Variants in COA1 observed in about 807,000 individuals in gnomAD.
COA1 encodes the protein cytochrome c oxidase assembly factor 1 homolog.
A neutral mutation model predicts 16.0 loss-of-function variants in COA1; 13 were observed. The observed-to-expected ratio is 0.81, with a 90% CI of 0.53 to 1.29. COA1 has a LOEUF of 1.29. Ranked by LOEUF, COA1 falls within the 50% of genes most tolerant of loss-of-function variation. COA1 has a pLI of 0.00. For synonymous variants in COA1, 65 were observed against 65.7 expected, an observed-to-expected ratio of 0.99 and a Z score of 0.05; for missense variants, 179 against 177.0, an observed-to-expected ratio of 1.01 and a Z score of -0.06.
At chr7:43,694,258 T>TAA (rs147164915) in intron 1 of COA1, among the ~76,000 whole-genome samples, 36 of 139,244 alleles carry the variant, frequency 2.6e-4, no homozygotes, top group Middle Eastern at 3.6e-3. Flanking sequence ...CTCCCATCTT[T>TAA]AAAAAAAAAA....
chr7:43,658,915 G>A (rs1228791633), intron 1 of COA1: 1 of 152,580 alleles, frequency 6.6e-6, no homozygotes, highest in Non-Finnish European at 1.5e-5. Flanking sequence ...GAGGAGGCCA[G>A]GCAAGAGGGC....
chr7:43,658,142 C>T (rs1365772289), intron 1 of COA1, among the ~76,000 whole-genome samples: 4 of 151,806 alleles, frequency 2.6e-5, no homozygotes, highest in African/African-American at 7.3e-5. Context: ...TTTGGGAGGC[C>T]GAGGCGGGTG....
intron 5 of COA1, 23 bp from the exon 6 acceptor site, chr7:43,639,704 TATCTCTA>T (rs762202937): frequency 4.8e-5 from 76 of 1,583,446 alleles, no homozygotes; most frequent in Non-Finnish European, 1.5e-5. Flanking sequence ...AAAAGTATAG[TATCTCTA>T]ATCTATGAAG....
chr7:43,673,631 T>TC (rs990819202), intron 1 of COA1, among the ~76,000 whole-genome samples: 5 of 152,168 alleles, frequency 3.3e-5, no homozygotes, highest in African/African-American at 9.7e-5. Context: ...GACCCAGCAA[T>TC]CTCATTATTG....
chr7:43,715,132 G>A (rs920740577), intron 1 of COA1, among the ~76,000 whole-genome samples: 2 of 151,402 alleles, frequency 1.3e-5, no homozygotes, highest in Non-Finnish European at 2.9e-5. Context: ...ATGAAAGCTT[G>A]AAACACACCA....
At chr7:43,696,699 A>G in intron 1 of COA1, among the ~76,000 whole-genome samples, 1 of 152,042 alleles carries the variant, frequency 6.6e-6, no homozygotes, top group Non-Finnish European at 1.5e-5. Flanking sequence ...ATATATACAT[A>G]TGTGTGTGTA....
intron 6 of COA1, chr7:43,624,865 C>A: frequency 2.6e-6 from 4 of 1,554,618 alleles, no homozygotes; most frequent in South Asian, 2.5e-5. Context: ...TTTAGAACTT[C>A]AAGATTTCTA....
At chr7:43,667,932 C>G (rs1468997674) in intron 1 of COA1, among the ~76,000 whole-genome samples, 1 of 152,164 alleles carries the variant, frequency 6.6e-6, no homozygotes, top group African/African-American at 2.4e-5. Context: ...TTTTTCTCTG[C>G]CTGGTTCCTC....
At chr7:43,636,602 ATTG>A (rs1289947238), downstream of COA1, among the ~76,000 whole-genome samples, 1 of 152,162 alleles carries the variant, frequency 6.6e-6, no homozygotes, top group Admixed American at 6.5e-5. Context: ...AGAAGGAACT[ATTG>A]TTAAGTTCTG....
At chr7:43,699,482 G>A (rs2094636124) in intron 1 of COA1, among the ~76,000 whole-genome samples, 1 of 152,076 alleles carries the variant, frequency 6.6e-6, no homozygotes, top group Non-Finnish European at 1.5e-5. Flanking sequence ...GTACTAATTA[G>A]CAAAGGTATG....
At chr7:43,694,309 C>A (rs1273949017) in intron 1 of COA1, among the ~76,000 whole-genome samples, 1 of 151,292 alleles carries the variant, frequency 6.6e-6, no homozygotes, top group Non-Finnish European at 1.5e-5. Context: ...AGCAATGGTC[C>A]CATTTCTCTA....
intron 1 of COA1, among the ~76,000 whole-genome samples, chr7:43,668,291 G>A (rs1563315497): frequency 6.6e-6 from 1 of 152,150 alleles, no homozygotes; most frequent in Non-Finnish European, 1.5e-5. Flanking sequence ...GGTATTTGAG[G>A]ATACAAACCC....
chr7:43,718,747 G>A (rs562506134), intron 1 of COA1, among the ~76,000 whole-genome samples: 4 of 152,258 alleles, frequency 2.6e-5, no homozygotes, highest in South Asian at 4.1e-4. Flanking sequence ...TGAGCTTTAT[G>A]AGGATTTAGA....
intron 1 of COA1, among the ~76,000 whole-genome samples, chr7:43,710,796 G>T (rs1245387247): frequency 6.6e-6 from 1 of 152,116 alleles, no homozygotes; most frequent in Non-Finnish European, 1.5e-5. Flanking sequence ...CAGGTGCTAA[G>T]CCCTTTCCAA....
chr7:43,690,714 T>C (rs1443419610), intron 1 of COA1, among the ~76,000 whole-genome samples: 1 of 151,890 alleles, frequency 6.6e-6, no homozygotes, highest in Non-Finnish European at 1.5e-5. Context: ...ATAATGTAAA[T>C]TGTCTAAACA....
intron 1 of COA1, among the ~76,000 whole-genome samples, chr7:43,709,434 T>TTGTG (rs59823123): frequency 0.074 from 10,762 of 144,888 alleles, 430 homozygotes; most frequent in Admixed American, 0.11. Flanking sequence ...CTTTGTTTTA[T>TTGTG]TGTGTGTGTG....
At chr7:43,626,792 G>A (rs1563177291) in intron 6 of COA1, 1 of 152,126 alleles carries the variant, frequency 6.6e-6, no homozygotes, top group Admixed American at 6.5e-5. Flanking sequence ...TATAATTGCT[G>A]TATTTGTGAG....
chr7:43,684,480 A>G (rs2093922330), intron 1 of COA1, among the ~76,000 whole-genome samples: 1 of 152,196 alleles, frequency 6.6e-6, no homozygotes, highest in Non-Finnish European at 1.5e-5. Context: ...CCAGAAAACA[A>G]GGTGAAGGCT....
chr7:43,644,529 C>CT lies in COA1; in HGVS notation c.264+721dup, dbSNP rs1214843807. ...ACTGACTGGATATAGATGCATTTCTCTTTTTTTTTTAATTTTACAGACAAT... is the reference window on the plus strand; with the variant it reads ...ACTGACTGGATATAGATGCATTTCTCTTTTTTTTTTTAATTTTACAGACAAT... On this transcript the variant is annotated intron_variant, in intron 4 of 5. Transcript: ENST00000223336. Among the ~76,000 whole-genome samples the CT allele has an allele frequency of 2.3e-4, 34 of 147,822 alleles. No homozygotes were observed. In the South Asian group the frequency reaches 4.7e-3, roughly 21 times the overall value.
Sources: gnomAD v4.1 joint callset for allele counts (sites outside exome capture counted in the v4.1 genomes callset) on GRCh38, gnomAD v4.1.1 for gene constraint, MANE v1.5 for transcripts, NCBI Gene and HGNC (gene_info 2026-07-23, HGNC 2026-07-21) for gene names.